Variants in RNF17 observed in about 807,000 individuals in gnomAD.
RNF17 encodes ring finger protein 17.
RNF17 carries 31 observed loss-of-function variants against 200.5 expected under a neutral mutation model. The ratio of observed to expected loss-of-function variants is 0.15; its 90% CI spans 0.12 to 0.21. The LOEUF (loss-of-function observed/expected upper bound fraction) is 0.21, where lower values mean the gene tolerates loss of function less well. RNF17 is among the 10% of genes least tolerant of loss of function. The pLI is 1.00. For synonymous variants in RNF17, 606 were observed against 637.8 expected (o/e 0.95, Z 0.75); for missense variants, 1,628 against 1,905.1 (o/e 0.85, Z 2.71).
downstream of RNF17, chr13:24,882,992 TATAA>T (rs1953904827): frequency 1.6e-6 from 1 of 612,232 alleles, no homozygotes. Flanking sequence ...GGTAGTGAAT[TATAA>T]ATGAGAGCTA....
chr13:24,837,525 G>A (rs1485653252), intron 18 of RNF17, among the ~76,000 whole-genome samples: 5 of 152,002 alleles, frequency 3.3e-5, no homozygotes, highest in African/African-American at 1.2e-4. Flanking sequence ...AAATAAAACT[G>A]GAAATCAACT....
chr13:24,847,504 C>T (rs1891396686), intron 22 of RNF17, among the ~76,000 whole-genome samples: 1 of 151,968 alleles, frequency 6.6e-6, no homozygotes, highest in Non-Finnish European at 1.5e-5. Context: ...CACCACCATG[C>T]CCGGCTAAGT....
chr13:24,811,815 T>C (rs1248502739), intron 15 of RNF17, among the ~76,000 whole-genome samples: 1 of 151,994 alleles, frequency 6.6e-6, no homozygotes, highest in African/African-American at 2.4e-5. Context: ...TACAGATGGG[T>C]TTTTGGTGTG....
chr13:24,748,650 A>C, the RNF17 span, among the ~76,000 whole-genome samples: 1 of 152,226 alleles, frequency 6.6e-6, no homozygotes, highest in Non-Finnish European at 1.5e-5. Flanking sequence ...AAACATATCC[A>C]GGGATAAGTG....
chr13:24,766,792 G>T (rs911326391), intron 1 of RNF17, among the ~76,000 whole-genome samples: 1 of 152,238 alleles, frequency 6.6e-6, no homozygotes, highest in Non-Finnish European at 1.5e-5. Context: ...AGAGCACTTT[G>T]TGTAAGATAT....
the RNF17 span, among the ~76,000 whole-genome samples, chr13:24,756,775 T>C: frequency 1.3e-5 from 2 of 152,162 alleles, no homozygotes; most frequent in Non-Finnish European, 2.9e-5. Context: ...TCCTGATAAC[T>C]TAAAATCGAC....
intron 19 of RNF17, among the ~76,000 whole-genome samples, chr13:24,843,495 G>A (rs1269395651): frequency 6.6e-6 from 1 of 152,026 alleles, no homozygotes; most frequent in Non-Finnish European, 1.5e-5. Context: ...TTCAGCCTGG[G>A]TGACAGAGCG....
the RNF17 span, among the ~76,000 whole-genome samples, chr13:24,749,306 TC>T: frequency 3.0e-5 from 2 of 67,756 alleles, no homozygotes; most frequent in Non-Finnish European, 6.0e-5. Flanking sequence ...TTTCTTTCTT[TC>T]TTTTTTTTTT....
At chr13:24,764,388 G>A (rs979951775) in intron 1 of RNF17, 55 bp downstream of exon 1, 8 of 1,510,526 alleles carry the variant, frequency 5.3e-6, no homozygotes, top group Non-Finnish European at 7.1e-6. Context: ...GAGCGCTGGG[G>A]GCCAGGTGAG....
downstream of RNF17, among the ~76,000 whole-genome samples, chr13:24,881,845 G>GATATATAGATAC: frequency 9.2e-6 from 1 of 108,654 alleles, no homozygotes; most frequent in Non-Finnish European, 2.1e-5. Context: ...TAGATATATA[G>GATATATAGATAC]ATACATCTAT....
At chr13:24,833,687 T>C (rs1200061087) in intron 18 of RNF17, among the ~76,000 whole-genome samples, 1 of 152,248 alleles carries the variant, frequency 6.6e-6, no homozygotes, top group Non-Finnish European at 1.5e-5. Flanking sequence ...TAACTTAGAT[T>C]ATTTTATTTA....
At chr13:24,761,698 G>A (rs1450304713), upstream of RNF17, among the ~76,000 whole-genome samples, 1 of 152,172 alleles carries the variant, frequency 6.6e-6, no homozygotes, top group Non-Finnish European at 1.5e-5. Context: ...TCCAAACAAA[G>A]GATTTAAACA....
chr13:24,763,883 A>T (rs140971353), upstream of RNF17, among the ~76,000 whole-genome samples: 123 of 152,350 alleles, frequency 8.1e-4, 2 homozygotes, highest in East Asian at 0.023. Flanking sequence ...CCAAATGATT[A>T]TCTATAAAGT....
rs906623012 is a variant in RNF17 at position 24,765,160 on chromosome 13, C to G, written c.130+827C>G. On this transcript the variant is annotated intron_variant, in intron 1 of 35. Coordinates refer to ENST00000255324, the MANE Select transcript of RNF17 (RefSeq NM_031277.3). The stretch of plus-strand genomic sequence containing the variant: ...CCTCTGGAGTAGCTGGGACTACAGG[C>G]GCCCGCCACCACGCCCGGCTAATTT... Among the ~76,000 whole-genome samples, 3 of 152,074 alleles carry G rather than the reference C, an allele frequency of 2.0e-5. No individual in the cohort carries two copies. The South Asian group carries it at 6.2e-4, about 32-fold the overall frequency.
chr13:24,862,356 A>G (rs1211587115), intron 27 of RNF17, among the ~76,000 whole-genome samples: 1 of 152,214 alleles, frequency 6.6e-6, no homozygotes, highest in African/African-American at 2.4e-5. Context: ...AACAACCGCT[A>G]TTCCTTAATG....
At chr13:24,825,811 A>G in intron 16 of RNF17, 39 bp downstream of exon 16, 1 of 1,578,420 alleles carries the variant, frequency 6.3e-7, no homozygotes, top group East Asian at 2.2e-5. Flanking sequence ...GAGATGTCAT[A>G]CTTCAAAACT....
chr13:24,763,464 G>A (rs186028386), upstream of RNF17, among the ~76,000 whole-genome samples: 27 of 146,148 alleles, frequency 1.8e-4, no homozygotes, highest in Admixed American at 1.2e-3. Flanking sequence ...TGATCTGCCC[G>A]CCCTGGCCTC....
chr13:24,764,539 G>A (rs1032808521), intron 1 of RNF17: 1 of 330,772 alleles, frequency 3.0e-6, no homozygotes, highest in Non-Finnish European at 4.3e-6. Flanking sequence ...CGCCTGTCAC[G>A]GCTTTCTCCA....
intron 27 of RNF17, 72 bp downstream of exon 27, chr13:24,861,459 T>C: frequency 9.2e-7 from 1 of 1,084,954 alleles, no homozygotes; most frequent in Non-Finnish European, 1.3e-6. Flanking sequence ...TTAGAAATAT[T>C]TAGAATGTAA....
Sources: allele counts gnomAD v4.1 joint callset (sites outside exome capture counted in the v4.1 genomes callset), GRCh38; gene constraint gnomAD v4.1.1; transcripts MANE v1.5; gene names NCBI Gene and HGNC (gene_info 2026-07-23, HGNC 2026-07-21).